FNDC3B: variants seen among roughly 807,000 people sequenced by gnomAD.
The protein encoded by FNDC3B is fibronectin type III domain containing 3B.
A neutral mutation model predicts 151.5 loss-of-function variants in FNDC3B; 12 were observed. That is an observed-to-expected ratio of 0.08 (90% confidence interval 0.05 to 0.13). The LOEUF is 0.13. Ranked by LOEUF, FNDC3B falls within the 10% of genes least tolerant of loss-of-function variation. The pLI, the probability that FNDC3B is intolerant of heterozygous loss-of-function variation, is 1.00. For synonymous variants in FNDC3B, 528 were observed against 549.0 expected (o/e 0.96, Z 0.54); for missense variants, 1,214 against 1,505.3 (o/e 0.81, Z 3.20).
intron 23 of FNDC3B, among the ~76,000 whole-genome samples, chr3:172,372,800 A>G (rs917723940): frequency 6.6e-6 from 1 of 152,192 alleles, no homozygotes; most frequent in African/African-American, 2.4e-5. Context: ...ATAATGCCAT[A>G]TGCCAGGCTC....
At chr3:172,180,478 T>C (rs1227959127) in intron 3 of FNDC3B, among the ~76,000 whole-genome samples, 1 of 152,346 alleles carries the variant, frequency 6.6e-6, no homozygotes, top group Non-Finnish European at 1.5e-5. Flanking sequence ...TAAATGAAAC[T>C]TCTCAGGATA....
chr3:172,086,846 C>CA (rs1277941314), intron 1 of FNDC3B, among the ~76,000 whole-genome samples: 1 of 152,172 alleles, frequency 6.6e-6, no homozygotes, highest in East Asian at 1.9e-4. Context: ...CTCTTCAACT[C>CA]AGAGTTTCTC....
intron 4 of FNDC3B, among the ~76,000 whole-genome samples, chr3:172,231,955 A>G (rs1261320223): frequency 1.5e-5 from 2 of 136,858 alleles, no homozygotes; most frequent in Non-Finnish European, 3.0e-5. Context: ...ATCTTGGCTC[A>G]CTGCAACCTC....
Position 172,362,611 on chromosome 3 carries a change from ATT to A in FNDC3B, c.2796-13_2796-12del. The A allele has an allele frequency of 1.4e-6, 2 of 1,439,852 alleles. No homozygotes were observed. Among genetic ancestry groups the A allele is most frequent in the Non-Finnish European group, 1.9e-6 (2 of 1,038,588 alleles). The allele number at this position is 1,439,852 out of a possible 1,614,324, so 89.2% of individuals were successfully genotyped here. A position where few individuals can be genotyped will look rare whatever the true frequency, so the allele number is the denominator to read the frequency against. ...TGCTGCTTTAACCTGCATTGTCTGT[ATT>A]TTTTTTTTCCTTTCTCTAGGATCAG... is the stretch of plus-strand genomic sequence containing the variant. On this transcript the variant is annotated intron_variant, in intron 22 of 25. Coordinates refer to ENST00000415807, the MANE Select transcript of FNDC3B (RefSeq NM_022763.4).
intron 4 of FNDC3B, among the ~76,000 whole-genome samples, chr3:172,241,688 A>G (rs1560035222): frequency 6.6e-6 from 1 of 152,056 alleles, no homozygotes; most frequent in Admixed American, 6.6e-5. Flanking sequence ...GTTACCTCCC[A>G]CTCAGTCCCT....
chr3:172,087,464 A>G (rs1421934054), intron 1 of FNDC3B, among the ~76,000 whole-genome samples: 1 of 152,150 alleles, frequency 6.6e-6, no homozygotes, highest in Non-Finnish European at 1.5e-5. Context: ...GCGTTAAAAG[A>G]GCTTATAACT....
intron 1 of FNDC3B, among the ~76,000 whole-genome samples, chr3:172,083,961 A>G (rs1376985068): frequency 6.6e-6 from 1 of 152,130 alleles, no homozygotes; most frequent in Non-Finnish European, 1.5e-5. Flanking sequence ...AAAGTTATTT[A>G]TATTCTTAGT....
rs202106333 is a variant in FNDC3B, at chr3:172,243,719, CT to C, written c.265-3812del. The stretch of plus-strand genomic sequence containing the variant: ...CGTGATGTTCCCTTTGTGCATGTGT[CT>C]TGTAAATCTCCTCTTATATAGATAC... On this transcript the variant is annotated intron_variant, in intron 4 of 25. Coordinates refer to ENST00000415807, the MANE Select transcript of FNDC3B (RefSeq NM_022763.4). 8.8e-3 allele frequency among the ~76,000 whole-genome samples: 1,339 copies of C among 152,260 alleles called. 22 individuals carry two copies. The highest frequency in any genetic ancestry group is 0.03 in the African/African-American group (1,252 of 41,524).
At chr3:172,394,600 T>G (rs1560115136) in intron 25 of FNDC3B, among the ~76,000 whole-genome samples, 1 of 152,166 alleles carries the variant, frequency 6.6e-6, no homozygotes, top group Non-Finnish European at 1.5e-5. Context: ...CAATAAGTTT[T>G]CCATCAAAGA....
intron 1 of FNDC3B, among the ~76,000 whole-genome samples, chr3:172,075,486 A>G (rs921619898): frequency 6.6e-6 from 1 of 152,106 alleles, no homozygotes; most frequent in African/African-American, 2.4e-5. Context: ...CTACACGTCA[A>G]CAACAACAAA....
chr3:172,390,389 A>G (rs1735946892), intron 25 of FNDC3B, among the ~76,000 whole-genome samples: 1 of 152,184 alleles, frequency 6.6e-6, no homozygotes, highest in African/African-American at 2.4e-5. Flanking sequence ...TACAAGAAAA[A>G]TAGGATTCCT....
intron 3 of FNDC3B, chr3:172,186,608 T>A: frequency 1.5e-6 from 1 of 658,024 alleles, no homozygotes; most frequent in South Asian, 1.7e-5. Flanking sequence ...ATTTTATAAA[T>A]CCTATACCAG....
intron 23 of FNDC3B, among the ~76,000 whole-genome samples, chr3:172,367,064 T>A (rs564122061): frequency 3.3e-5 from 5 of 152,308 alleles, no homozygotes; most frequent in African/African-American, 1.2e-4. Context: ...TTCATCTAGA[T>A]CACCTGGACT....
intron 3 of FNDC3B, among the ~76,000 whole-genome samples, chr3:172,200,828 A>G (rs923522897): frequency 2.6e-5 from 4 of 152,230 alleles, no homozygotes; most frequent in African/African-American, 7.2e-5. Flanking sequence ...TTGAAAAATA[A>G]AACTGTACCT....
intron 1 of FNDC3B, among the ~76,000 whole-genome samples, chr3:172,066,630 T>A (rs1717513078): frequency 6.6e-6 from 1 of 152,240 alleles, no homozygotes. Flanking sequence ...GACCTGGATC[T>A]ACGTGCTGCT....
intron 11 of FNDC3B, among the ~76,000 whole-genome samples, chr3:172,319,849 G>C (rs531409293): frequency 6.6e-6 from 1 of 152,190 alleles, no homozygotes; most frequent in African/African-American, 2.4e-5. Context: ...GAGTCTGGCC[G>C]TAGTTCAGTT....
At chr3:172,165,719 T>C (rs1722971870) in intron 3 of FNDC3B, among the ~76,000 whole-genome samples, 1 of 152,152 alleles carries the variant, frequency 6.6e-6, no homozygotes, top group South Asian at 2.1e-4. Context: ...AAGATCCCAT[T>C]ATATAAACCA....
intron 4 of FNDC3B, among the ~76,000 whole-genome samples, chr3:172,235,315 A>G (rs1257457427): frequency 6.6e-6 from 1 of 152,212 alleles, no homozygotes; most frequent in East Asian, 1.9e-4. Flanking sequence ...TGCTGCCTAC[A>G]TTTATAAATC....
chr3:172,372,230 C>G (rs868809540), intron 23 of FNDC3B, among the ~76,000 whole-genome samples: 2 of 152,190 alleles, frequency 1.3e-5, no homozygotes, highest in Non-Finnish European at 2.9e-5. Flanking sequence ...TGTGCTTGTC[C>G]TCTTCTTGGT....
Sources: allele counts gnomAD v4.1 joint callset (sites outside exome capture counted in the v4.1 genomes callset), GRCh38; gene constraint gnomAD v4.1.1; transcripts MANE v1.5; gene names NCBI Gene and HGNC (gene_info 2026-07-23, HGNC 2026-07-21).